The following CNTRL variants were observed in gnomAD, a reference collection of about 807,000 sequenced individuals.
CNTRL encodes the protein centriolin.
In CNTRL, 233 loss-of-function variants were observed where a neutral mutation model predicts 303.7. The ratio of observed to expected loss-of-function variants is 0.77; its 90% confidence interval spans 0.69 to 0.86. CNTRL has a LOEUF of 0.86. CNTRL is among the 40% of genes least tolerant of loss of function. The pLI is 0.00. For missense variants in CNTRL, 2,524 were observed against 2,650.6 expected (o/e 0.95, Z 1.05); for synonymous variants, 900 against 922.2 (o/e 0.98, Z 0.44).
chr9:121,156,182 AT>A (rs1255376468), intron 27 of CNTRL, among the ~76,000 whole-genome samples: 1 of 151,786 alleles, frequency 6.6e-6, no homozygotes, highest in Non-Finnish European at 1.5e-5. Context: ...ATTTTGGTAT[AT>A]TTTGGTTATA....
chr9:121,175,010 C>T lies in CNTRL; in HGVS notation c.6748-8C>T. On this transcript the variant is annotated splice_region_variant and splice_polypyrimidine_tract_variant and intron_variant, in intron 42 of 43. Transcript: ENST00000373855. ...GTGTAAAACCCTAAGTCTTATCACACTTTTCAGGCCCAACTCCGACACTGT... is the reference window on the plus strand; with the variant it reads ...GTGTAAAACCCTAAGTCTTATCACATTTTTCAGGCCCAACTCCGACACTGT... 1.9e-6 allele frequency: 3 copies of T among 1,613,376 alleles called. No homozygotes were observed. The highest frequency in any genetic ancestry group is 2.5e-6 in the Non-Finnish European group (3 of 1,179,634).
chr9:121,094,982 A>T lies in CNTRL; in HGVS notation c.443A>T (p.Lys148Ile). 1 of 1,609,018 alleles carries T rather than the reference A, an allele frequency of 6.2e-7. No homozygotes were observed. The highest frequency in any genetic ancestry group is 8.5e-7 in the Non-Finnish European group (1 of 1,177,474). ...GKIEKLDKLL[K>I]LRELNLSYNK... ...ATTGAAAAGTTGGACAAGCTGTTAA[A>T]ATTACGTGAACTCAACTTATCATAT... is the stretch of plus-strand genomic sequence containing the variant. Residue 148 changes from lysine to isoleucine, a missense_variant, in exon 5 of 44, where the codon AAA becomes ATA. Coordinates refer to ENST00000373855, the MANE Select transcript of CNTRL (RefSeq NM_007018.6).
chr9:121,109,253 A>G (rs1218857522), intron 8 of CNTRL, among the ~76,000 whole-genome samples: 1 of 152,162 alleles, frequency 6.6e-6, no homozygotes, highest in Non-Finnish European at 1.5e-5. Flanking sequence ...ATATCTGTAC[A>G]TGTTCAATAC....
rs560140879 is a variant in CNTRL, at chr9:121,174,463, C to A, written c.6748-555C>A. Among the ~76,000 whole-genome samples the A allele has an allele frequency of 2.0e-3, 299 of 152,276 alleles. 4 individuals are homozygous for A. The South Asian group carries it at 0.039, about 20-fold the overall frequency. On this transcript the variant is annotated intron_variant, in intron 42 of 43. Transcript: ENST00000373855. ...TCAAGTGCTTAATAGCCACATGTGTCTAGTGGCTTCTATATTTATAGCCAG... is the reference window on the plus strand; with the variant it reads ...TCAAGTGCTTAATAGCCACATGTGTATAGTGGCTTCTATATTTATAGCCAG...
intron 14 of CNTRL, among the ~76,000 whole-genome samples, chr9:121,132,213 C>T (rs946403126): frequency 6.6e-6 from 1 of 152,188 alleles, no homozygotes; most frequent in Non-Finnish European, 1.5e-5. Flanking sequence ...TGGATAATAT[C>T]CTGAAGAGTG....
intron 4 of CNTRL, among the ~76,000 whole-genome samples, chr9:121,094,119 C>T (rs1336129059): frequency 1.3e-5 from 2 of 149,724 alleles, no homozygotes; most frequent in African/African-American, 5.0e-5. Context: ...GCCCCCTCCC[C>T]ACCCCCGCAA....
rs1270884257 is a variant in CNTRL at position 121,075,447 on chromosome 9, A to G, written c.-205+380A>G. ...GTGGGGAGTGAGCGGGAGAAAGGAC[A>G]GTTTGGGCGTCCTGACGGGTTGTCA... is the stretch of plus-strand genomic sequence containing the variant. On this transcript the variant is annotated intron_variant, in intron 1 of 43. Transcript: ENST00000373855. Among the ~76,000 whole-genome samples the G allele has an allele frequency of 8.5e-5, 13 of 152,192 alleles. No individual in the cohort carries two copies. The East Asian group carries it at 2.5e-3, about 29-fold the overall frequency.
At chr9:121,177,039 A>G in intron 43 of CNTRL, 124 bp from the exon 44 acceptor site, 1 of 749,124 alleles carries the variant, frequency 1.3e-6, no homozygotes. Context: ...GTTCATCTTA[A>G]AACATTTTTC....
chr9:121,160,397 A>T (rs1450506744), intron 32 of CNTRL, 95 bp downstream of exon 32: 1 of 896,658 alleles, frequency 1.1e-6, no homozygotes, highest in African/African-American at 1.7e-5. Context: ...AAAAAACTTT[A>T]AAGTTTAACC....
chr9:121,108,598 T>A (rs1480911729), intron 8 of CNTRL, among the ~76,000 whole-genome samples: 23 of 152,122 alleles, frequency 1.5e-4, no homozygotes, highest in Admixed American at 1.5e-3. Flanking sequence ...CAGACTGTGC[T>A]CTTCTCTATG....
chr9:121,109,325 A>G lies in CNTRL; in HGVS notation c.1002+1330A>G, dbSNP rs1017968378. 2.0e-3 allele frequency among the ~76,000 whole-genome samples: 299 copies of G among 152,328 alleles called. 7 individuals carry two copies. Among genetic ancestry groups the G allele is most frequent in the Non-Finnish European group, 3.1e-4 (21 of 68,012 alleles). ...CGTGGTTGGTTGAATCCACAGATGC[A>G]GAACTCAGATATGGAGAGTAGACTG... On this transcript the variant is annotated intron_variant, in intron 8 of 43. Transcript: ENST00000373855.
chr9:121,150,193 C>T lies in CNTRL; in HGVS notation c.3673C>T (p.Gln1225Ter), dbSNP rs752652209. Residue 1225 changes from glutamine to a stop codon, truncating the protein, a stop_gained, in exon 25 of 44, where the codon CAG becomes TAG. Coordinates refer to ENST00000373855, the MANE Select transcript of CNTRL (RefSeq NM_007018.6). LOFTEE classifies it high-confidence loss of function. ...SRDADSGGDS[Q>*]EESELDDQEE... ...AGATGCAGACAGTGGAGGAGATAGT[C>T]AGGAAGAGAGTGAGCTGGATGACCA... 1.2e-6 allele frequency: 2 copies of T among 1,612,548 alleles called. No individual in the cohort carries two copies. The highest frequency in any genetic ancestry group is 3.3e-5 in the Admixed American group (2 of 59,856).
chr9:121,125,633 A>G, intron 13 of CNTRL, 83 bp from the exon 14 acceptor site: 2 of 1,186,050 alleles, frequency 1.7e-6, no homozygotes, highest in South Asian at 1.3e-5. Flanking sequence ...TTAGAATTTC[A>G]CTCTTGGCTT....
intron 5 of CNTRL, 26 bp downstream of exon 5, chr9:121,095,044 G>A (rs755639699): frequency 1.9e-6 from 3 of 1,548,912 alleles, no homozygotes; most frequent in South Asian, 2.4e-5. Context: ...AAATCTTTAG[G>A]CAGCATTGCA....
chr9:121,075,674 C>G (rs772592346), intron 1 of CNTRL, among the ~76,000 whole-genome samples: 16 of 152,182 alleles, frequency 1.1e-4, no homozygotes, highest in African/African-American at 3.9e-4. Context: ...TGTGTCTGAG[C>G]CTTCCTGATC....
chr9:121,083,578 C>T (rs1410241921), intron 2 of CNTRL, among the ~76,000 whole-genome samples: 1 of 152,062 alleles, frequency 6.6e-6, no homozygotes, highest in African/African-American at 2.4e-5. Context: ...GAAGGACCTA[C>T]CTGCCTGAGT....
chr9:121,088,623 C>G, intron 3 of CNTRL, 80 bp downstream of exon 3: 1 of 772,648 alleles, frequency 1.3e-6, no homozygotes, highest in Middle Eastern at 2.5e-4. Context: ...CATTTTTGGT[C>G]CAACTGTAAC....
intron 32 of CNTRL, 22 bp downstream of exon 32, chr9:121,160,324 C>T (rs369168489): frequency 5.0e-5 from 71 of 1,432,356 alleles, no homozygotes; most frequent in Non-Finnish European, 6.0e-5. Context: ...GGAAAACAAT[C>T]ATACAAAGTT....
At chr9:121,097,626 A>G (rs1158703732) in intron 6 of CNTRL, among the ~76,000 whole-genome samples, 2 of 152,194 alleles carry the variant, frequency 1.3e-5, no homozygotes, top group Admixed American at 6.5e-5. Flanking sequence ...GTTGTACAGC[A>G]TCACCTTGGG....
Sources: gnomAD v4.1 joint callset for allele counts (sites outside exome capture counted in the v4.1 genomes callset) on GRCh38, gnomAD v4.1.1 for gene constraint, MANE v1.5 for transcripts, NCBI Gene and HGNC (gene_info 2026-07-23, HGNC 2026-07-21) for gene names.